Variants in SYNPO2 observed in about 807,000 individuals in gnomAD.
The protein encoded by SYNPO2 is synaptopodin 2, also known as synaptopodin-2.
SYNPO2 carries 56 observed loss-of-function variants against 85.0 expected under a neutral mutation model. The observed-to-expected ratio is 0.66, with a 90% CI of 0.53 to 0.82. SYNPO2 has a LOEUF of 0.82. Among genes scored for constraint, SYNPO2 ranks in the 40% least tolerant of loss-of-function variants. The probability of loss-of-function intolerance (pLI) is 0.00; values close to 1 mark genes in which losing one functional copy is unlikely to be tolerated. For missense variants in SYNPO2, 1,575 were observed against 1,534.2 expected, an observed-to-expected ratio of 1.03 and a Z score of -0.44; for synonymous variants, 602 against 591.1, an observed-to-expected ratio of 1.02 and a Z score of -0.27.
intron 4 of SYNPO2, among the ~76,000 whole-genome samples, chr4:119,049,329 C>T (rs1354143180): frequency 6.6e-6 from 1 of 152,188 alleles, no homozygotes; most frequent in Non-Finnish European, 1.5e-5. Context: ...TCTTGGACCT[C>T]CCAGAATCTG....
At chr4:119,019,762 A>G (rs140977917) in intron 1 of SYNPO2, among the ~76,000 whole-genome samples, 85 of 152,326 alleles carry the variant, frequency 5.6e-4, no homozygotes, top group African/African-American at 2.0e-3. Context: ...TTAGACAGGT[A>G]GTAAGCATAG....
intron 1 of SYNPO2, among the ~76,000 whole-genome samples, chr4:119,017,723 T>G (rs1196120382): frequency 1.3e-5 from 2 of 152,190 alleles, no homozygotes; most frequent in Non-Finnish European, 2.9e-5. Context: ...TAGATTATAA[T>G]AGTGGATTTA....
intron 1 of SYNPO2, among the ~76,000 whole-genome samples, chr4:118,901,851 A>G (rs538678076): frequency 6.6e-6 from 1 of 152,316 alleles, no homozygotes; most frequent in South Asian, 2.1e-4. Context: ...ATACCACTGT[A>G]AATCCACATA....
In SYNPO2 at chr4:119,023,461, G is replaced by C. The variant is rs1414048878; in HGVS notation, c.137G>C (p.Gly46Ala). ...IRNQSKASGS[G>A]LCEGDEVVSI... ...AATCAGAGCAAAGCCTCTGGGTCTG[G>C]GCTCTGTGAGGGAGATGAAGTGGTT... is the stretch of plus-strand genomic sequence containing the variant. The change falls in exon 2 of 5, where the codon GGG becomes GCG. Residue 46 changes from glycine (G) to alanine (A), a missense_variant. Physicochemically the swap from Gly to Ala is moderately conservative, Grantham distance 60. Transcript: ENST00000307142. 6.2e-7 allele frequency: 1 copy of C among 1,613,496 alleles called. No individual in the cohort carries two copies. Among genetic ancestry groups the C allele is most frequent in the Non-Finnish European group, 8.5e-7 (1 of 1,179,658 alleles).
intron 1 of SYNPO2, among the ~76,000 whole-genome samples, chr4:118,939,986 T>A (rs7662510): frequency 0.031 from 1,554 of 50,078 alleles, 25 homozygotes; most frequent in African/African-American, 0.056. Context: ...TCTTTTTTTT[T>A]TTTTTTTTGT....
chr4:118,898,079 A>G (rs1732604654), intron 1 of SYNPO2, among the ~76,000 whole-genome samples: 1 of 152,170 alleles, frequency 6.6e-6, no homozygotes, highest in Admixed American at 6.5e-5. Context: ...TTTCTTAGCA[A>G]GATTTTCCAT....
At position 119,029,746 on chromosome 4, in the gene SYNPO2, A is replaced by G. The variant is rs1738130552; in HGVS notation, c.1070-99A>G. On this transcript the variant is annotated intron_variant, in intron 3 of 4. Transcript: ENST00000307142. ...TCTGTACTCAATGGCAATTTTTTAC[A>G]TATTTATTTTCCCCCAGGAGAGTTC... is the stretch of plus-strand genomic sequence containing the variant. The G allele has an allele frequency of 6.1e-6, 8 of 1,320,100 alleles. No homozygotes were observed. The South Asian group carries it at 1.4e-4, about 23-fold the overall frequency. The allele number at this position is 1,320,100 out of a possible 1,614,324, so 81.8% of individuals were successfully genotyped here.
At chr4:118,903,858 A>G (rs1486378319) in intron 1 of SYNPO2, among the ~76,000 whole-genome samples, 1 of 151,936 alleles carries the variant, frequency 6.6e-6, no homozygotes, top group Non-Finnish European at 1.5e-5. Flanking sequence ...ATTTACAGGC[A>G]CATGCCACCA....
intron 1 of SYNPO2, among the ~76,000 whole-genome samples, chr4:118,883,713 C>CTTT (rs57844329): frequency 6.7e-6 from 1 of 149,126 alleles, no homozygotes; most frequent in Non-Finnish European, 1.5e-5. Context: ...TTCTCTTTTT[C>CTTT]TTTTTTTTTT....
At chr4:118,940,332 G>A (rs1734264921) in intron 1 of SYNPO2, among the ~76,000 whole-genome samples, 1 of 151,986 alleles carries the variant, frequency 6.6e-6, no homozygotes, top group South Asian at 2.1e-4. Context: ...CAGTGTGTGT[G>A]AGCATGTGCT....
chr4:119,008,103 T>G (rs1395573796), intron 1 of SYNPO2, among the ~76,000 whole-genome samples: 1 of 152,176 alleles, frequency 6.6e-6, no homozygotes, highest in Non-Finnish European at 1.5e-5. Context: ...ATATTCATCT[T>G]CATAGATTTC....
At chr4:118,949,063 G>A (rs1460276895) in intron 1 of SYNPO2, among the ~76,000 whole-genome samples, 1 of 152,130 alleles carries the variant, frequency 6.6e-6, no homozygotes, top group Non-Finnish European at 1.5e-5. Flanking sequence ...TAGTTCTAAT[G>A]TGTAGCCAAG....
At chr4:118,902,834 G>A (rs1217106660) in intron 1 of SYNPO2, among the ~76,000 whole-genome samples, 2 of 152,026 alleles carry the variant, frequency 1.3e-5, no homozygotes, top group Admixed American at 6.6e-5. Flanking sequence ...AAACATTCAA[G>A]AGTTTAAAAA....
At chr4:118,887,174 T>A (rs963838879), upstream of SYNPO2, among the ~76,000 whole-genome samples, 2 of 140,246 alleles carry the variant, frequency 1.4e-5, no homozygotes, top group South Asian at 2.3e-4. Flanking sequence ...TGAGTGTGTG[T>A]GTGTGTGTGT....
chr4:118,871,044 C>A (rs1731789705), intron 1 of SYNPO2, among the ~76,000 whole-genome samples: 1 of 152,154 alleles, frequency 6.6e-6, no homozygotes, highest in Non-Finnish European at 1.5e-5. Flanking sequence ...TCATGCCAAG[C>A]CTTGGCTCTC....
At chr4:118,879,181 A>G (rs1299010700) in intron 1 of SYNPO2, among the ~76,000 whole-genome samples, 1 of 152,116 alleles carries the variant, frequency 6.6e-6, no homozygotes, top group East Asian at 1.9e-4. Flanking sequence ...CTCTGCACAC[A>G]CCATCTTTAA....
intron 1 of SYNPO2, among the ~76,000 whole-genome samples, chr4:118,963,720 G>A (rs1471534583): frequency 6.6e-6 from 1 of 152,160 alleles, no homozygotes; most frequent in Admixed American, 6.5e-5. Context: ...TTAAAAATTA[G>A]TTTTAGTACA....
chr4:119,040,364 T>A (rs1363839709), intron 4 of SYNPO2, among the ~76,000 whole-genome samples: 2 of 152,224 alleles, frequency 1.3e-5, no homozygotes, highest in South Asian at 4.1e-4. Context: ...CCAGGAGTCG[T>A]TGAGAGATCT....
chr4:118,868,436 A>G (rs1731742327), intron 1 of SYNPO2, among the ~76,000 whole-genome samples: 1 of 152,152 alleles, frequency 6.6e-6, no homozygotes, highest in African/African-American at 2.4e-5. Context: ...TTTTTTTGAA[A>G]TTTTACAGAT....
Sources: gnomAD v4.1 joint callset for allele counts (sites outside exome capture counted in the v4.1 genomes callset) on GRCh38, gnomAD v4.1.1 for gene constraint, MANE v1.5 for transcripts, NCBI Gene and HGNC (gene_info 2026-07-23, HGNC 2026-07-21) for gene names.